PCLO: variants seen among roughly 807,000 people sequenced by gnomAD.
PCLO encodes piccolo presynaptic cytomatrix protein, also known as protein piccolo.
PCLO carries 82 observed loss-of-function variants against 427.5 expected under a neutral mutation model. The ratio of observed to expected loss-of-function variants is 0.19; its 90% confidence interval spans 0.16 to 0.23. PCLO has a LOEUF of 0.23. Ranked by LOEUF, PCLO falls within the 10% of genes least tolerant of loss-of-function variation. The probability of loss-of-function intolerance (pLI) is 1.00; values close to 1 mark genes in which losing one functional copy is unlikely to be tolerated. For missense variants in PCLO, 6,239 were observed against 6,115.9 expected (o/e 1.02, Z -0.67); for synonymous variants, 2,357 against 2,155.4 (o/e 1.09, Z -2.59).
At chr7:82,976,184 G>C (rs868438734) in intron 3 of PCLO, among the ~76,000 whole-genome samples, 1 of 152,060 alleles carries the variant, frequency 6.6e-6, no homozygotes, top group African/African-American at 2.4e-5. Flanking sequence ...GTTTGGCTTG[G>C]GATAGGAAGC....
At position 82,951,321 on chromosome 7, in the gene PCLO, G is replaced by A. The variant is rs1795341678; in HGVS notation, c.9267C>T (p.Val3089=). Residue 3089 remains valine (V), a synonymous_variant, in exon 6 of 25, where the codon GTC becomes GTT. Transcript: ENST00000333891. ...GSVLRSSNGV[V]YSSVATPTPS... ...GTGTTGGAGTTGCTACTGAAGAATA[G>A]ACAACACCATTAGATGACCTCAAAA... The A allele has an allele frequency of 6.2e-7, 1 of 1,612,054 alleles. No homozygotes were observed. The highest frequency in any genetic ancestry group is 2.2e-5 in the East Asian group (1 of 44,782).
intron 22 of PCLO, among the ~76,000 whole-genome samples, chr7:82,763,087 T>A (rs1790463317): frequency 6.6e-6 from 1 of 152,132 alleles, no homozygotes; most frequent in South Asian, 2.1e-4. Flanking sequence ...GAATTTTTCC[T>A]GTTTAGTCAC....
intron 3 of PCLO, among the ~76,000 whole-genome samples, chr7:82,999,428 ATTT>A (rs1787724299): frequency 7.8e-6 from 1 of 128,700 alleles, no homozygotes; most frequent in Non-Finnish European, 1.6e-5. Context: ...TATATTATAT[ATTT>A]TATTATATAT....
chr7:83,011,952 T>G (rs1346586040), intron 3 of PCLO, among the ~76,000 whole-genome samples: 1 of 151,392 alleles, frequency 6.6e-6, no homozygotes, highest in Non-Finnish European at 1.5e-5. Context: ...ATATAATATC[T>G]TTTTTTTTGA....
At chr7:82,765,295 T>C (rs1790510259) in intron 22 of PCLO, among the ~76,000 whole-genome samples, 1 of 150,578 alleles carries the variant, frequency 6.6e-6, no homozygotes. Flanking sequence ...CTGCTATCAA[T>C]AAAAAAATAA....
rs767222339 is a variant in PCLO at position 82,760,943 on chromosome 7, CTTTTTTTTTTTT to C, written c.15143-171_15143-160del. ...AACATAAAATGATTAAAAGATATGTCTTTTTTTTTTTTTTTTTTTTTTTTTTTGAGACAGGGT... is the reference window on the plus strand; with the variant it reads ...AACATAAAATGATTAAAAGATATGTCTTTTTTTTTTTTTTTGAGACAGGGT... On this transcript the variant is annotated intron_variant, in intron 23 of 24. Coordinates refer to ENST00000333891, the MANE Select transcript of PCLO (RefSeq NM_033026.6). Among the ~76,000 whole-genome samples, 37 of 60,396 alleles carry C rather than the reference CTTTTTTTTTTTT, an allele frequency of 6.1e-4. 1 individual carries two copies. The highest frequency in any genetic ancestry group is 2.0e-3 in the African/African-American group (31 of 15,342). The allele number at this position is 60,396 out of a possible 152,430, so 39.6% of individuals were successfully genotyped here.
intron 3 of PCLO, among the ~76,000 whole-genome samples, chr7:83,003,283 T>C (rs1179535535): frequency 6.6e-6 from 1 of 151,686 alleles, no homozygotes; most frequent in Non-Finnish European, 1.5e-5. Context: ...AAATAAAGTT[T>C]TTATAAAATA....
rs762659211 is a variant in PCLO at position 83,138,116 on chromosome 7, T to C, written c.1894-2460A>G. 3.3e-5 allele frequency among the ~76,000 whole-genome samples: 5 copies of C among 152,112 alleles called. No homozygotes were observed. The East Asian group carries it at 5.8e-4, about 18-fold the overall frequency. ...ATGCAGCCAGACAAAAGAAGAAAAA[T>C]AGAATTAAAGGCATAATTCTTACAT... is the stretch of plus-strand genomic sequence containing the variant. On this transcript the variant is annotated intron_variant, in intron 2 of 24. Coordinates refer to ENST00000333891, the MANE Select transcript of PCLO (RefSeq NM_033026.6).
rs10694231 is a variant in PCLO at position 82,952,177 on chromosome 7, C to CA, written c.8775_8776insT (p.Asp2926Ter). 3 of 1,613,100 alleles carry CA rather than the reference C, an allele frequency of 1.9e-6. No homozygotes were observed. The highest frequency in any genetic ancestry group is 1.1e-5 in the South Asian group (1 of 91,044). ...GCGGTTAAATCAACGGGTTTTTCAT[C>CA]TTCTATTATTTTGGTCATCACACTT... is the stretch of plus-strand genomic sequence containing the variant. On this transcript the variant is annotated frameshift_variant, in exon 5 of 25. Transcript: ENST00000333891. LOFTEE classifies it high-confidence loss of function.
intron 3 of PCLO, among the ~76,000 whole-genome samples, chr7:83,095,243 A>T (rs1790503198): frequency 6.6e-6 from 1 of 151,976 alleles, no homozygotes; most frequent in Non-Finnish European, 1.5e-5. Flanking sequence ...ATATGCATGT[A>T]TAGTTGTTTG....
chr7:82,772,753 T>C (rs1229283487), intron 22 of PCLO, among the ~76,000 whole-genome samples: 1 of 152,156 alleles, frequency 6.6e-6, no homozygotes, highest in Non-Finnish European at 1.5e-5. Context: ...TTTTGGCATT[T>C]TTGTCCTTTT....
intron 3 of PCLO, among the ~76,000 whole-genome samples, chr7:83,107,812 A>G (rs141540532): frequency 0.012 from 1,754 of 151,398 alleles, 35 homozygotes; most frequent in African/African-American, 0.039. Context: ...AACATGGTGA[A>G]ACCCCAAGTC....
At chr7:83,075,624 T>C (rs1204162900) in intron 3 of PCLO, among the ~76,000 whole-genome samples, 3 of 152,136 alleles carry the variant, frequency 2.0e-5, no homozygotes, top group Non-Finnish European at 4.4e-5. Context: ...CCCTAGACTT[T>C]TAATGCATTT....
Position 82,953,724 on chromosome 7 carries a change from G to C in PCLO, c.7229C>G (p.Pro2410Arg). ...TGGAGGAGGAGGAGGAGGGGGAGGG[G>C]GAGGAGGGGGAGGAGGTTGAGCTGA... is the stretch of plus-strand genomic sequence containing the variant. ...DISAQPPPPP[P>R]PPPPPPPPPP... The change falls in exon 5 of 25, where the codon CCC (proline) becomes CGC (arginine). Residue 2410 changes from proline (P) to arginine (R), a missense_variant. Transcript: ENST00000333891. The C allele has an allele frequency of 9.5e-7, 1 of 1,054,050 alleles. No individual in the cohort carries two copies. Among genetic ancestry groups the C allele is most frequent in the Non-Finnish European group, 1.3e-6 (1 of 759,198 alleles). The allele number at this position is 1,054,050 out of a possible 1,614,324, so 65.3% of individuals were successfully genotyped here. A position where few individuals can be genotyped will look rare whatever the true frequency, so the allele number is the denominator to read the frequency against.
chr7:83,020,761 G>T (rs548604269), intron 3 of PCLO, among the ~76,000 whole-genome samples: 1 of 152,246 alleles, frequency 6.6e-6, no homozygotes, highest in African/African-American at 2.4e-5. Context: ...TATTAGTGAA[G>T]TGGTCCCTAT....
intron 6 of PCLO, among the ~76,000 whole-genome samples, chr7:82,924,890 A>T (rs1794678449): frequency 6.6e-6 from 1 of 152,130 alleles, no homozygotes; most frequent in Non-Finnish European, 1.5e-5. Context: ...TGCACAACAG[A>T]CATTTACATA....
chr7:83,071,705 G>A (rs1252299517), intron 3 of PCLO, among the ~76,000 whole-genome samples: 1 of 152,076 alleles, frequency 6.6e-6, no homozygotes, highest in Non-Finnish European at 1.5e-5. Flanking sequence ...AGCTTTCCGT[G>A]GGTGAGAGTG....
intron 3 of PCLO, among the ~76,000 whole-genome samples, chr7:83,060,987 T>C (rs529734302): frequency 6.6e-6 from 1 of 152,304 alleles, no homozygotes; most frequent in Non-Finnish European, 1.5e-5. Flanking sequence ...TTCCCAGAAG[T>C]CTTTTCTGCC....
intron 3 of PCLO, among the ~76,000 whole-genome samples, chr7:83,070,149 T>C (rs1358871251): frequency 1.3e-5 from 2 of 152,054 alleles, no homozygotes; most frequent in Admixed American, 1.3e-4. Context: ...AAAAGCCATA[T>C]TGGAAAAAAC....
Sources: gnomAD v4.1 joint callset for allele counts (sites outside exome capture counted in the v4.1 genomes callset) on GRCh38, gnomAD v4.1.1 for gene constraint, MANE v1.5 for transcripts, NCBI Gene and HGNC (gene_info 2026-07-23, HGNC 2026-07-21) for gene names.